ZDHHC21: variants seen among roughly 807,000 people sequenced by gnomAD.
ZDHHC21 encodes zDHHC palmitoyltransferase 21.
In ZDHHC21, 15 loss-of-function variants were observed where a neutral mutation model predicts 34.6. The observed-to-expected ratio is 0.43, with a 90% CI of 0.29 to 0.67. The LOEUF is 0.67. Among genes scored for constraint, ZDHHC21 ranks in the 30% least tolerant of loss-of-function variants. The pLI is 0.14. For missense variants in ZDHHC21, 344 were observed against 327.7 expected (o/e 1.05, Z -0.38); for synonymous variants, 142 against 101.8 (o/e 1.40, Z -2.38).
chr9:14,619,045 C>A lies in ZDHHC21; in HGVS notation c.719G>T (p.Arg240Leu), dbSNP rs199903674. ...AGGAATGAACCACAGGATCTTCCAACGAGTGCCAAAAACTTCTGAGAAGGT... is the reference window on the plus strand; with the variant it reads ...AGGAATGAACCACAGGATCTTCCAAAGAGTGCCAAAAACTTCTGAGAAGGT... ...QQTFSEVFGT[R>L]WKILWFIPFR... is the part of the protein sequence containing the mutation. The change falls in exon 10 of 10, where the codon CGT becomes CTT. Residue 240 changes from arginine to leucine, a missense_variant. Coordinates refer to ENST00000380916, the MANE Select transcript of ZDHHC21 (RefSeq NM_178566.6). 6.2e-7 allele frequency: 1 copy of A among 1,612,140 alleles called. No individual in the cohort carries two copies.
intron 6 of ZDHHC21, among the ~76,000 whole-genome samples, chr9:14,660,843 C>G (rs1833258724): frequency 6.6e-6 from 1 of 152,100 alleles, no homozygotes; most frequent in Non-Finnish European, 1.5e-5. Context: ...ATATCCACTT[C>G]CATCATGAAC....
At chr9:14,650,769 T>C (rs1220560453) in intron 7 of ZDHHC21, among the ~76,000 whole-genome samples, 2 of 151,966 alleles carry the variant, frequency 1.3e-5, no homozygotes, top group Non-Finnish European at 2.9e-5. Flanking sequence ...ATAATAATAA[T>C]GTATCTTCCT....
chr9:14,634,974 T>A (rs1048073808), intron 8 of ZDHHC21, among the ~76,000 whole-genome samples: 1 of 151,918 alleles, frequency 6.6e-6, no homozygotes, highest in Non-Finnish European at 1.5e-5. Context: ...AATGAGGAAT[T>A]TACTAAACAA....
At chr9:14,655,647 A>G (rs1832074588) in intron 7 of ZDHHC21, among the ~76,000 whole-genome samples, 1 of 151,886 alleles carries the variant, frequency 6.6e-6, no homozygotes, top group Non-Finnish European at 1.5e-5. Flanking sequence ...AATCAGAATA[A>G]TGTTTTCACT....
Position 14,611,268 on chromosome 9 carries a change from T to A in ZDHHC21, c.*7698A>T, listed in dbSNP as rs1206901325. ...TCTTAAGGTAGATACATGGTTTGAT[T>A]TTCACATTAAGAACCAGTGTAGACT... On this transcript the variant is annotated 3_prime_UTR_variant, in exon 10 of 10. Transcript: ENST00000380916. 1 of 151,964 alleles carries A rather than the reference T, an allele frequency of 6.6e-6. No individual in the cohort carries two copies. 9.4% of individuals were successfully genotyped at this position (151,964 alleles called of 1,614,324 possible).
chr9:14,662,244 A>C lies in ZDHHC21; in HGVS notation c.336T>G (p.Cys112Trp). 1 of 1,612,848 alleles carries C rather than the reference A, an allele frequency of 6.2e-7. No individual in the cohort carries two copies. Residue 112 changes from cysteine (C) to tryptophan (W), a missense_variant, in exon 6 of 10, where the codon TGT becomes TGG. Physicochemically the swap from Cys to Trp is radical, Grantham distance 215. Transcript: ENST00000380916. The stretch of plus-strand genomic sequence containing the variant: ...GACAGTGATGATCCATTCTCCTCAC[A>C]CAGTGGCCGCAGCGGCTACAGTGAT... ...RSHHCSRCGH[C>W]VRRMDHHCPW...
At chr9:14,605,296 A>C in the ZDHHC21 span, among the ~76,000 whole-genome samples, 1 of 151,882 alleles carries the variant, frequency 6.6e-6, no homozygotes, top group East Asian at 1.9e-4. Context: ...TTTTCAAAAC[A>C]GCTGCACCAT....
intron 7 of ZDHHC21, among the ~76,000 whole-genome samples, chr9:14,654,436 A>G (rs967706831): frequency 6.6e-6 from 1 of 152,024 alleles, no homozygotes; most frequent in African/African-American, 2.4e-5. Flanking sequence ...AAAGAACACA[A>G]TCACACTTTC....
chr9:14,674,572 A>G (rs1836025184), intron 3 of ZDHHC21, among the ~76,000 whole-genome samples, 187 bp from the exon 4 acceptor site: 1 of 152,032 alleles, frequency 6.6e-6, no homozygotes, highest in Admixed American at 6.6e-5. Context: ...TGGGAAAACA[A>G]ACAGAAGTTT....
chr9:14,625,960 G>A (rs1019560518), intron 8 of ZDHHC21, among the ~76,000 whole-genome samples: 1 of 151,698 alleles, frequency 6.6e-6, no homozygotes, highest in Non-Finnish European at 1.5e-5. Flanking sequence ...CAAGTATACA[G>A]GAAATAATTA....
At chr9:14,603,632 A>G in the ZDHHC21 span, among the ~76,000 whole-genome samples, 2 of 152,178 alleles carry the variant, frequency 1.3e-5, no homozygotes, top group Non-Finnish European at 2.9e-5. Context: ...TGATATATAA[A>G]TTACTGAGCT....
At chr9:14,621,868 C>G (rs1348460743) in intron 8 of ZDHHC21, among the ~76,000 whole-genome samples, 1 of 151,956 alleles carries the variant, frequency 6.6e-6, no homozygotes, top group African/African-American at 2.4e-5. Context: ...GTTAAATATA[C>G]TTTTGGAATT....
chr9:14,619,554 C>G, intron 9 of ZDHHC21, 85 bp downstream of exon 9: 1 of 1,080,216 alleles, frequency 9.3e-7, no homozygotes, highest in Non-Finnish European at 1.3e-6. Flanking sequence ...ATTATATTAT[C>G]TATCTACCAT....
At chr9:14,686,925 A>G (rs1838406077) in intron 2 of ZDHHC21, among the ~76,000 whole-genome samples, 1 of 149,876 alleles carries the variant, frequency 6.7e-6, no homozygotes, top group Non-Finnish European at 1.5e-5. Context: ...GTGAGCAGAG[A>G]CTGTACTACA....
At chr9:14,631,900 C>G (rs1186197327) in intron 8 of ZDHHC21, among the ~76,000 whole-genome samples, 5 of 152,070 alleles carry the variant, frequency 3.3e-5, no homozygotes, top group Admixed American at 1.3e-4. Context: ...AATCATAGAT[C>G]ATAGTAACAG....
At chr9:14,593,619 G>C in the ZDHHC21 span, 2 of 152,198 alleles carry the variant, frequency 1.3e-5, no homozygotes, top group Non-Finnish European at 2.9e-5. Context: ...TTGACTACAA[G>C]GAAGACATGA....
At chr9:14,640,322 A>AG (rs570060025) in intron 7 of ZDHHC21, among the ~76,000 whole-genome samples, 27 of 150,746 alleles carry the variant, frequency 1.8e-4, no homozygotes, top group Middle Eastern at 3.4e-3. Context: ...AAAAAAAAAA[A>AG]AAAGAAAGAA....
intron 7 of ZDHHC21, among the ~76,000 whole-genome samples, chr9:14,656,890 T>C (rs73644819): frequency 6.6e-6 from 1 of 152,010 alleles, no homozygotes; most frequent in East Asian, 1.9e-4. Context: ...CCACTTTTTA[T>C]ACTCACTTTT....
intron 2 of ZDHHC21, among the ~76,000 whole-genome samples, chr9:14,682,629 G>C (rs377678664): frequency 6.6e-6 from 1 of 151,940 alleles, no homozygotes; most frequent in Admixed American, 6.6e-5. Context: ...TTAGATCAAC[G>C]AGACAGGAAG....
Sources: gnomAD v4.1 joint callset for allele counts (sites outside exome capture counted in the v4.1 genomes callset) on GRCh38, gnomAD v4.1.1 for gene constraint, MANE v1.5 for transcripts, NCBI Gene and HGNC (gene_info 2026-07-23, HGNC 2026-07-21) for gene names.